Variants in HFE observed in about 807,000 individuals in gnomAD.
HFE encodes hereditary hemochromatosis protein.
A neutral mutation model predicts 40.9 loss-of-function variants in HFE; 36 were observed. The observed-to-expected ratio is 0.88, with a 90% CI of 0.67 to 1.16. The LOEUF is 1.16. Among genes scored for constraint, HFE ranks in the 50% most tolerant of loss-of-function variants. The pLI is 0.00. For synonymous variants in HFE, 157 were observed against 165.4 expected (o/e 0.95, Z 0.39); for missense variants, 376 against 432.0 (o/e 0.87, Z 1.15).
Position 26,096,434 on chromosome 6 carries a change from G to A in HFE, c.*2208G>A, listed in dbSNP as rs780582212. 25 of 455,284 alleles carry A rather than the reference G, an allele frequency of 5.5e-5. No homozygotes were observed. Among genetic ancestry groups the A allele is most frequent in the East Asian group, 2.1e-4 (3 of 14,376 alleles). The allele number at this position is 455,284 out of a possible 1,614,324, so 28.2% of individuals were successfully genotyped here. A position where few individuals can be genotyped will look rare whatever the true frequency, so the allele number is the denominator to read the frequency against. On this transcript the variant is annotated 3_prime_UTR_variant, in exon 6 of 6. Transcript: ENST00000357618. ...CAGGTGTGAGCCACCCTGCCCAGCC[G>A]TCAAAAGAGTCTTAATATATATATC...
At chr6:26,088,721 CT>C (rs1762459106) in intron 1 of HFE, among the ~76,000 whole-genome samples, 1 of 152,176 alleles carries the variant, frequency 6.6e-6, no homozygotes, top group African/African-American at 2.4e-5. Flanking sequence ...AAACATCACA[CT>C]GCATTAGAGG....
rs200506947 is a variant in HFE, at chr6:26,097,464, G to A, written c.*3238G>A. On this transcript the variant is annotated 3_prime_UTR_variant, in exon 6 of 6. Coordinates refer to ENST00000357618, the MANE Select transcript of HFE (RefSeq NM_000410.4). ...AAACCATGGTAGTAAAGAGAAGGGTGACACCTGGTGGCCATAGGTAAATGT... is the reference window on the plus strand; with the variant it reads ...AAACCATGGTAGTAAAGAGAAGGGTAACACCTGGTGGCCATAGGTAAATGT... The A allele has an allele frequency of 6.6e-5, 10 of 152,166 alleles. No individual in the cohort carries two copies. The East Asian group carries it at 1.9e-3, about 29-fold the overall frequency. The allele number at this position is 152,166 out of a possible 1,614,324, so 9.4% of individuals were successfully genotyped here.
At chr6:26,091,678 G>A in intron 3 of HFE, 89 bp downstream of exon 3, 2 of 1,409,802 alleles carry the variant, frequency 1.4e-6, no homozygotes, top group Non-Finnish European at 2.0e-6. Context: ...GAGTTTCAGA[G>A]GTGGCTGAGG....
At chr6:26,089,801 C>G (rs62625329) in intron 1 of HFE, among the ~76,000 whole-genome samples, 32 of 151,962 alleles carry the variant, frequency 2.1e-4, no homozygotes, top group African/African-American at 7.5e-4. Context: ...GTGGCATGCA[C>G]CTGTGATCCT....
chr6:26,092,049 C>G (rs1002168538), intron 3 of HFE, among the ~76,000 whole-genome samples: 20 of 151,680 alleles, frequency 1.3e-4, no homozygotes, highest in African/African-American at 4.8e-4. Flanking sequence ...TCATGCGCAC[C>G]TGTAGTCCCA....
rs1374568331 is a variant in HFE, at chr6:26,097,230, C to T, written c.*3004C>T. The T allele has an allele frequency of 2.0e-5, 3 of 152,222 alleles. No individual in the cohort carries two copies. Among genetic ancestry groups the T allele is most frequent in the African/African-American group, 4.8e-5 (2 of 41,462 alleles). The allele number at this position is 152,222 out of a possible 1,614,324, so 9.4% of individuals were successfully genotyped here. A position where few individuals can be genotyped will look rare whatever the true frequency, so the allele number is the denominator to read the frequency against. On this transcript the variant is annotated 3_prime_UTR_variant, in exon 6 of 6. Transcript: ENST00000357618. ...ATTTCAAGAAACACCCCAGTCTTCA[C>T]AGTAACACATTTCACTAACACATTT...
chr6:26,090,759 T>C, intron 1 of HFE, 82 bp from the exon 2 acceptor site: 1 of 1,385,268 alleles, frequency 7.2e-7, no homozygotes, highest in Non-Finnish European at 1.0e-6. Context: ...GCTGATGGTA[T>C]GAGTTGATGC....
In HFE at chr6:26,091,246, C is replaced by T. The variant is rs182621526; in HGVS notation, c.341-68C>T. ...AATTTGCTTCCTGAGATCATTTGGT[C>T]CTTGGGGATGGTGGAAATAGGGACC... On this transcript the variant is annotated intron_variant, in intron 2 of 5. Transcript: ENST00000357618. 1.5e-5 allele frequency: 24 copies of T among 1,610,566 alleles called. No individual in the cohort carries two copies. In the Admixed American group the frequency reaches 3.3e-4, roughly 22 times the overall value.
chr6:26,093,290 G>A lies in HFE; in HGVS notation c.1006+58G>A. 5 of 1,146,820 alleles carry A rather than the reference G, an allele frequency of 4.4e-6. No homozygotes were observed. In the South Asian group the frequency reaches 4.9e-5, roughly 11 times the overall value. The allele number at this position is 1,146,820 out of a possible 1,614,324, so 71.0% of individuals were successfully genotyped here. A position where few individuals can be genotyped will look rare whatever the true frequency, so the allele number is the denominator to read the frequency against. On this transcript the variant is annotated intron_variant, in intron 5 of 5. Transcript: ENST00000357618. ...CCTCTGCCCCAGGGCACAGTGGGAA[G>A]AGGGGCAGAGGGGATCTGGCATCCA...
rs1762692865 is a variant in HFE at position 26,091,390 on chromosome 6, G to A, written c.417G>A (p.Gly139=). ...DNSTEGYWKY[G]YDGQDHLEFC... Reference sequence around the variant, plus strand: ...GTACCGAGGGCTACTGGAAGTACGGGTATGATGGGCAGGACCACCTTGAAT... The same window carrying A: ...GTACCGAGGGCTACTGGAAGTACGGATATGATGGGCAGGACCACCTTGAAT... The change falls in exon 3 of 6, where the codon GGG becomes GGA. Residue 139 remains glycine, a synonymous_variant. Coordinates refer to ENST00000357618, the MANE Select transcript of HFE (RefSeq NM_000410.4). 6.2e-7 allele frequency: 1 copy of A among 1,614,050 alleles called. No homozygotes were observed. The highest frequency in any genetic ancestry group is 1.3e-5 in the African/African-American group (1 of 74,914).
intron 1 of HFE, among the ~76,000 whole-genome samples, chr6:26,088,159 T>C (rs971409773): frequency 6.6e-6 from 1 of 152,228 alleles, no homozygotes; most frequent in Non-Finnish European, 1.5e-5. Context: ...AATTGTTCTT[T>C]TGCCTGGAAA....
chr6:26,092,292 T>G (rs1460297772), intron 3 of HFE, among the ~76,000 whole-genome samples: 2 of 152,144 alleles, frequency 1.3e-5, no homozygotes, highest in African/African-American at 4.8e-5. Context: ...GTTAAAAGTT[T>G]CTTTCATAGA....
chr6:26,092,121 C>G (rs1762754078), intron 3 of HFE, among the ~76,000 whole-genome samples: 1 of 146,802 alleles, frequency 6.8e-6, no homozygotes, highest in Admixed American at 7.0e-5. Context: ...TTGCACTGAG[C>G]CAAGATCGCG....
chr6:26,092,008 C>T (rs540583063), intron 3 of HFE, among the ~76,000 whole-genome samples: 1 of 151,492 alleles, frequency 6.6e-6, no homozygotes, highest in Non-Finnish European at 1.5e-5. Context: ...AAACCCGTCT[C>T]TAAAAAAATA....
At chr6:26,089,108 T>TGGGGGGGG (rs60292295) in intron 1 of HFE, among the ~76,000 whole-genome samples, 1 of 56,358 alleles carries the variant, frequency 1.8e-5, no homozygotes, top group Admixed American at 2.1e-4. Flanking sequence ...TGTGTGTGTG[T>TGGGGGGGG]GGGGGGGGGG....
intron 4 of HFE, 45 bp from the exon 5 acceptor site, chr6:26,093,074 C>T: frequency 2.5e-6 from 4 of 1,612,984 alleles, no homozygotes; most frequent in Non-Finnish European, 3.4e-6. Context: ...AGGGGGTGGG[C>T]TGAGGGTGGC....
At chr6:26,088,065 A>G (rs1762415609) in intron 1 of HFE, among the ~76,000 whole-genome samples, 1 of 152,000 alleles carries the variant, frequency 6.6e-6, no homozygotes, top group Non-Finnish European at 1.5e-5. Context: ...CATTCCACCC[A>G]CTTTTGGTGA....
intron 3 of HFE, among the ~76,000 whole-genome samples, chr6:26,091,979 C>T (rs1339257041): frequency 1.3e-5 from 2 of 151,776 alleles, no homozygotes; most frequent in African/African-American, 4.8e-5. Flanking sequence ...AGTTTGAGAC[C>T]AGCCTGACCA....
Position 26,095,234 on chromosome 6 carries a change from A to T in HFE, c.*1008A>T, listed in dbSNP as rs1375405639. The T allele has an allele frequency of 6.6e-6, 1 of 152,284 alleles. No homozygotes were observed. Among genetic ancestry groups the T allele is most frequent in the African/African-American group, 2.4e-5 (1 of 41,462 alleles). The allele number at this position is 152,284 out of a possible 1,614,324, so 9.4% of individuals were successfully genotyped here. A position where few individuals can be genotyped will look rare whatever the true frequency, so the allele number is the denominator to read the frequency against. ...GCCGGGCACGGTGGCTCACGCCTGT[A>T]ATCCCAGCACTTTGGGAGGCCAAAG... On this transcript the variant is annotated 3_prime_UTR_variant, in exon 6 of 6. Transcript: ENST00000357618.
Sources: allele counts gnomAD v4.1 joint callset (sites outside exome capture counted in the v4.1 genomes callset), GRCh38; gene constraint gnomAD v4.1.1; transcripts MANE v1.5; gene names NCBI Gene and HGNC (gene_info 2026-07-23, HGNC 2026-07-21).